MIS18BP1: variants seen among roughly 807,000 people sequenced by gnomAD.
MIS18BP1 encodes mis18-binding protein 1.
In MIS18BP1, 72 loss-of-function variants were observed where a neutral mutation model predicts 116.1. That is an observed-to-expected ratio of 0.62 (90% CI 0.51 to 0.75). The LOEUF (loss-of-function observed/expected upper bound fraction) is 0.75. MIS18BP1 is among the 30% of genes least tolerant of loss of function. The pLI is 0.00. For missense variants in MIS18BP1, 1,363 were observed against 1,303.2 expected (o/e 1.05, Z -0.71); for synonymous variants, 386 against 427.0 (o/e 0.90, Z 1.18).
chr14:45,206,019 A>G, intron 15 of MIS18BP1, 64 bp downstream of exon 15: 1 of 1,048,354 alleles, frequency 9.5e-7, no homozygotes. Flanking sequence ...ACTTACAACT[A>G]CCACAGTTTA....
intron 11 of MIS18BP1, among the ~76,000 whole-genome samples, chr14:45,220,611 G>T (rs190495533): frequency 4.9e-4 from 75 of 152,140 alleles, no homozygotes; most frequent in African/African-American, 1.5e-3. Context: ...CTTTGAGTTG[G>T]CTTTTTTCAC....
At chr14:45,226,718 TA>T (rs1435221314) in intron 10 of MIS18BP1, 24 bp downstream of exon 10, 4 of 1,328,356 alleles carry the variant, frequency 3.0e-6, no homozygotes, top group Non-Finnish European at 3.9e-6. Context: ...TGCTTATGAT[TA>T]AAAAACCATT....
chr14:45,218,887 A>T (rs1393471987), intron 11 of MIS18BP1, among the ~76,000 whole-genome samples: 1 of 129,758 alleles, frequency 7.7e-6, no homozygotes, highest in African/African-American at 2.5e-5. Flanking sequence ...GTTATAAGCT[A>T]TTAAAAAGTG....
intron 13 of MIS18BP1, among the ~76,000 whole-genome samples, chr14:45,213,223 AGGTAAGAATTGT>A (rs1165196560): frequency 6.6e-6 from 1 of 152,066 alleles, no homozygotes; most frequent in African/African-American, 2.4e-5. Flanking sequence ...TCTTCTGAGG[AGGTAAGAATTGT>A]GGTTTCTGCA....
Position 45,247,118 on chromosome 14 carries a change from C to A in MIS18BP1, c.169G>T (p.Asp57Tyr). ...KYQNSSLKLNDHKKNQFLKMT... is the reference protein window; with the variant it reads ...KYQNSSLKLNYHKKNQFLKMT... ...TTTAGGAACTGATTCTTTTTATGGT[C>A]ATTCAATTTTAAGGAGGAGTTCTGA... The change falls in exon 2 of 17, where the codon GAC (aspartate) becomes TAC (tyrosine). Residue 57 changes from aspartate to tyrosine, a missense_variant. Asp to Tyr is a radical substitution (Grantham distance 160). Coordinates refer to ENST00000310806, the MANE Select transcript of MIS18BP1 (RefSeq NM_018353.5). The A allele has an allele frequency of 6.2e-7, 1 of 1,612,548 alleles. No homozygotes were observed. Among genetic ancestry groups the A allele is most frequent in the South Asian group, 1.1e-5 (1 of 90,798 alleles).
chr14:45,212,615 G>A (rs1474012913), intron 13 of MIS18BP1, among the ~76,000 whole-genome samples: 2 of 152,178 alleles, frequency 1.3e-5, no homozygotes, highest in African/African-American at 4.8e-5. Context: ...TTCCTCATAA[G>A]ATCTCAGAAA....
chr14:45,222,105 C>T (rs1233040154), intron 11 of MIS18BP1, among the ~76,000 whole-genome samples: 1 of 152,118 alleles, frequency 6.6e-6, no homozygotes. Context: ...TTTTTCTATC[C>T]TTTTAACCTA....
At chr14:45,216,925 G>T in intron 13 of MIS18BP1, 94 bp downstream of exon 13, 2 of 1,337,680 alleles carry the variant, frequency 1.5e-6, no homozygotes, top group Non-Finnish European at 2.1e-6. Flanking sequence ...ACTGATCCTT[G>T]GCCTAAATAT....
chr14:45,241,365 GA>G (rs1891570809), intron 4 of MIS18BP1: 1 of 152,564 alleles, frequency 6.6e-6, no homozygotes, highest in African/African-American at 2.4e-5. Context: ...AGCTACTCAG[GA>G]GGGTGAAGTA....
Position 45,218,372 on chromosome 14 carries a change from A to G in MIS18BP1, c.2752T>C (p.Cys918Arg). 1 of 1,614,026 alleles carries G rather than the reference A, an allele frequency of 6.2e-7. No homozygotes were observed. The highest frequency in any genetic ancestry group is 8.5e-7 in the Non-Finnish European group (1 of 1,179,988). ...GGATTTTCCATGTATTTCCTCTGGC[A>G]TTCTTCAGGAGATCGAGAACCTACA... is the stretch of plus-strand genomic sequence containing the variant. ...AAVGSRSPEE[C>R]QRKYMENPRG... The change falls in exon 12 of 17, where the codon TGC becomes CGC. Residue 918 changes from cysteine to arginine, a missense_variant. Cys to Arg is a radical substitution (Grantham distance 180). Coordinates refer to ENST00000310806, the MANE Select transcript of MIS18BP1 (RefSeq NM_018353.5).
At chr14:45,250,112 G>A (rs1891828379) in intron 1 of MIS18BP1, 1 of 152,124 alleles carries the variant, frequency 6.6e-6, no homozygotes. Context: ...CCAAAACAGA[G>A]CTTTCTGTTT....
intron 11 of MIS18BP1, among the ~76,000 whole-genome samples, chr14:45,221,027 TG>T (rs1890956702): frequency 6.6e-6 from 1 of 151,618 alleles, no homozygotes; most frequent in South Asian, 2.1e-4. Flanking sequence ...CCCAGCTACT[TG>T]GGAGGCTGAG....
At chr14:45,238,589 G>A (rs369317061) in intron 4 of MIS18BP1, among the ~76,000 whole-genome samples, 3 of 152,138 alleles carry the variant, frequency 2.0e-5, no homozygotes, top group Non-Finnish European at 4.4e-5. Flanking sequence ...CAGAACTTTG[G>A]GAGGCCAAGT....
chr14:45,208,634 G>A lies in MIS18BP1; in HGVS notation c.3152+1746C>T, dbSNP rs149590084. Among the ~76,000 whole-genome samples, 9 of 152,000 alleles carry A rather than the reference G, an allele frequency of 5.9e-5. No individual in the cohort carries two copies. The South Asian group carries it at 1.0e-3, about 18-fold the overall frequency. ...GGTGTGAGCTACCGCGCCCGGCCAC[G>A]GATGAATATTTTAAGGCTTTTGATG... On this transcript the variant is annotated intron_variant, in intron 14 of 16. Transcript: ENST00000310806.
intron 14 of MIS18BP1, among the ~76,000 whole-genome samples, chr14:45,206,983 AC>A (rs1481766835): frequency 6.6e-6 from 1 of 152,256 alleles, no homozygotes; most frequent in South Asian, 2.1e-4. Flanking sequence ...TTTTATTTCT[AC>A]AAAATTTTAT....
intron 11 of MIS18BP1, 85 bp from the exon 12 acceptor site, chr14:45,218,539 G>A (rs1403568653): frequency 9.3e-6 from 11 of 1,187,988 alleles, no homozygotes; most frequent in Middle Eastern, 2.1e-4. Flanking sequence ...GAATTGATGA[G>A]ATTTACTGAG....
At chr14:45,246,347 C>T (rs1891721128) in intron 2 of MIS18BP1, among the ~76,000 whole-genome samples, 1 of 152,188 alleles carries the variant, frequency 6.6e-6, no homozygotes, top group South Asian at 2.1e-4. Context: ...GTCAGGCATG[C>T]TATTTCAAGG....
chr14:45,246,815 A>G lies in MIS18BP1; in HGVS notation c.472T>C (p.Leu158=). The G allele has an allele frequency of 1.5e-6, 2 of 1,324,280 alleles. No individual in the cohort carries two copies. The highest frequency in any genetic ancestry group is 2.1e-6 in the Non-Finnish European group (2 of 972,606). 82.0% of individuals were successfully genotyped at this position (1,324,280 alleles called of 1,614,324 possible). ...TCTTCACATAGGTAGGTATGCTGCA[A>G]TTTTTTTTTTTCAACTCTGTTAGGA... The part of the protein sequence containing the change: ...FTPNRVEKKK[L]QHTYLCEEKE... Residue 158 remains leucine, a synonymous_variant, in exon 2 of 17, where the codon TTG becomes CTG. Transcript: ENST00000310806.
At chr14:45,226,562 TA>T (rs1254980091) in intron 10 of MIS18BP1, among the ~76,000 whole-genome samples, 180 bp downstream of exon 10, 1 of 152,226 alleles carries the variant, frequency 6.6e-6, no homozygotes, top group African/African-American at 2.4e-5. Flanking sequence ...AGGTGGTTTT[TA>T]AAAGGGCTAT....
Sources: allele counts gnomAD v4.1 joint callset (sites outside exome capture counted in the v4.1 genomes callset), GRCh38; gene constraint gnomAD v4.1.1; transcripts MANE v1.5; gene names NCBI Gene and HGNC (gene_info 2026-07-23, HGNC 2026-07-21).